Variants in RCOR3 observed in about 807,000 individuals in gnomAD.
The protein encoded by RCOR3 is REST corepressor 3.
A neutral mutation model predicts 64.1 loss-of-function variants in RCOR3; 13 were observed. The observed-to-expected ratio is 0.20, with a 90% CI of 0.13 to 0.32. The LOEUF is 0.32. Ranked by LOEUF, RCOR3 falls within the 10% of genes least tolerant of loss-of-function variation. The pLI, the probability that RCOR3 is intolerant of heterozygous loss-of-function variation, is 1.00. For missense variants in RCOR3, 489 were observed against 701.2 expected (o/e 0.70, Z 3.42); for synonymous variants, 215 against 239.0 (o/e 0.90, Z 0.93).
intron 8 of RCOR3, among the ~76,000 whole-genome samples, chr1:211,293,820 A>G (rs911237700): frequency 2.0e-5 from 3 of 152,246 alleles, no homozygotes; most frequent in Non-Finnish European, 4.4e-5. Flanking sequence ...AAAATAGTTC[A>G]TAAATTATAA....
rs754892527 is a variant in RCOR3, at chr1:211,313,714, A to G, written c.1608A>G (p.Gln536=). 2 of 1,614,240 alleles carry G rather than the reference A, an allele frequency of 1.2e-6. No homozygotes were observed. The highest frequency in any genetic ancestry group is 2.2e-5 in the South Asian group (2 of 91,086). The part of the protein sequence containing the change: ...PRPVLSTVGG[Q]QPPSLIGIQT... The stretch of plus-strand genomic sequence containing the variant: ...CGGTGTTGTCCACGGTTGGTGGTCA[A>G]CAGCCACCATCACTTATTGGAATTC... The change falls in exon 12 of 12, where the codon CAA becomes CAG. Residue 536 remains glutamine (Q), a synonymous_variant. Transcript: ENST00000419091. The surrounding 1 kb of genome is among the most constrained non-coding windows in gnomAD (Gnocchi z 4.7).
At chr1:211,273,848 A>G (rs1318206822) in intron 3 of RCOR3, among the ~76,000 whole-genome samples, 1 of 152,194 alleles carries the variant, frequency 6.6e-6, no homozygotes, top group Admixed American at 6.5e-5. Flanking sequence ...TTAAACAGCT[A>G]AGTCTCCAAA....
rs533132888 is a variant in RCOR3, at chr1:211,308,688, T to G, written c.1076-4032T>G. Among the ~76,000 whole-genome samples the G allele has an allele frequency of 1.9e-4, 12 of 63,054 alleles. No homozygotes were observed. The East Asian group carries it at 2.9e-3, about 15-fold the overall frequency. The allele number at this position is 63,054 out of a possible 152,430, so 41.4% of individuals were successfully genotyped here. On this transcript the variant is annotated intron_variant, in intron 10 of 11. Transcript: ENST00000419091. ...TTTTTTTTTTGTTTTTTTTTTGTTTTTTTTTTTTTTTGTGTAGTCCAAAAT... is the reference window on the plus strand; with the variant it reads ...TTTTTTTTTTGTTTTTTTTTTGTTTGTTTTTTTTTTTGTGTAGTCCAAAAT...
chr1:211,285,962 A>G (rs1230681615), intron 7 of RCOR3, among the ~76,000 whole-genome samples: 1 of 152,022 alleles, frequency 6.6e-6, no homozygotes, highest in Non-Finnish European at 1.5e-5. Flanking sequence ...AGATTATTTT[A>G]TCTGTTATGT....
intron 2 of RCOR3, among the ~76,000 whole-genome samples, chr1:211,262,480 G>GT (rs957295479): frequency 5.9e-5 from 9 of 151,676 alleles, no homozygotes; most frequent in Non-Finnish European, 1.0e-4. Context: ...AGTCTGTGTG[G>GT]TTTTTTTTGG....
Position 211,271,225 on chromosome 1 carries a change from C to T in RCOR3, c.224-7C>T. On this transcript the variant is annotated splice_region_variant and splice_polypyrimidine_tract_variant and intron_variant, in intron 2 of 11. Transcript: ENST00000419091. Reference sequence around the variant, plus strand: ...TCATATTCAAAGTAATTATCTTTTTCCCCCAGGTGCTACAAAGTACACAGA... The same window carrying T: ...TCATATTCAAAGTAATTATCTTTTTTCCCCAGGTGCTACAAAGTACACAGA... 6.2e-7 allele frequency: 1 copy of T among 1,607,666 alleles called. No homozygotes were observed. The highest frequency in any genetic ancestry group is 8.5e-7 in the Non-Finnish European group (1 of 1,175,330).
intron 3 of RCOR3, among the ~76,000 whole-genome samples, chr1:211,273,196 A>G (rs973122956): frequency 1.3e-5 from 2 of 152,220 alleles, no homozygotes; most frequent in African/African-American, 4.8e-5. Context: ...AATCACAGCA[A>G]ATACTTAAAA....
intron 2 of RCOR3, among the ~76,000 whole-genome samples, chr1:211,264,520 A>G (rs1374172643): frequency 2.0e-5 from 3 of 151,876 alleles, no homozygotes; most frequent in South Asian, 2.1e-4. Flanking sequence ...TGTCTCCACA[A>G]AAAATTCAAA....
chr1:211,308,955 G>A (rs1397686813), intron 10 of RCOR3, among the ~76,000 whole-genome samples: 2 of 151,718 alleles, frequency 1.3e-5, no homozygotes, highest in East Asian at 3.9e-4. Context: ...CAAGTGGTCT[G>A]TCTGCCTTGG....
In RCOR3 at chr1:211,259,693, C is replaced by A. The variant is rs979303097; in HGVS notation, c.133C>A (p.Pro45Thr). ...CAACGGCGGGCTGCACTACTCAGAGCCCGAGAGCGGCTGCAGCAGCGACGA... is the reference window on the plus strand; with the variant it reads ...CAACGGCGGGCTGCACTACTCAGAGACCGAGAGCGGCTGCAGCAGCGACGA... ...STNGGLHYSE[P>T]ESGCSSDDEH... The change falls in exon 1 of 12, where the codon CCC becomes ACC. Residue 45 changes from proline (P) to threonine (T), a missense_variant. Pro to Thr is a conservative substitution (Grantham distance 38). Transcript: ENST00000419091. 2 of 1,534,474 alleles carry A rather than the reference C, an allele frequency of 1.3e-6. No homozygotes were observed. The highest frequency in any genetic ancestry group is 2.8e-5 in the African/African-American group (2 of 71,548).
At position 211,281,227 on chromosome 1, in the gene RCOR3, G is replaced by A. The variant is rs928427877; in HGVS notation, c.720+1911G>A. On this transcript the variant is annotated intron_variant, in intron 7 of 11. Transcript: ENST00000419091. ...TCCTGAAAAGCTGTCTTTGACTTTC[G>A]TAATGCCATTCTGATTCCCATCTAC... 6.6e-5 allele frequency among the ~76,000 whole-genome samples: 10 copies of A among 152,132 alleles called. No homozygotes were observed. The East Asian group carries it at 9.7e-4, about 15-fold the overall frequency.
At chr1:211,279,208 T>C in intron 6 of RCOR3, 30 bp from the exon 7 acceptor site, 1 of 1,420,964 alleles carries the variant, frequency 7.0e-7, no homozygotes, top group Non-Finnish European at 9.7e-7. Flanking sequence ...AAAAAGGGAA[T>C]TAAGTGTACT....
rs774233812 is a variant in RCOR3 at position 211,276,420 on chromosome 1, T to C, written c.516+2T>C. 1 of 1,611,616 alleles carries C rather than the reference T, an allele frequency of 6.2e-7. No individual in the cohort carries two copies. The highest frequency in any genetic ancestry group is 1.1e-5 in the South Asian group (1 of 90,688). On this transcript the variant is annotated splice_donor_variant, in intron 5 of 11. Transcript: ENST00000419091. LOFTEE classifies it high-confidence loss of function. ...AGCTTTCACAGGATTCAGCAAATGGTATGGTAATTTTAATCTTACTGTGGT... is the reference window on the plus strand; with the variant it reads ...AGCTTTCACAGGATTCAGCAAATGGCATGGTAATTTTAATCTTACTGTGGT...
chr1:211,261,511 T>C (rs974907308), intron 2 of RCOR3, among the ~76,000 whole-genome samples: 1 of 152,258 alleles, frequency 6.6e-6, no homozygotes. Flanking sequence ...TAATTTTAAA[T>C]GTTTTATGAA....
intron 7 of RCOR3, among the ~76,000 whole-genome samples, chr1:211,279,824 C>A (rs1233877203): frequency 3.9e-5 from 6 of 152,212 alleles, no homozygotes; most frequent in Non-Finnish European, 8.8e-5. Flanking sequence ...TTTCCCCATT[C>A]CTTTAACTCC....
intron 9 of RCOR3, among the ~76,000 whole-genome samples, chr1:211,299,935 T>C (rs1007178767): frequency 6.6e-6 from 1 of 152,130 alleles, no homozygotes; most frequent in African/African-American, 2.4e-5. Flanking sequence ...CAATAACTTA[T>C]GTGAGTCCTG....
intron 4 of RCOR3, 64 bp downstream of exon 4, chr1:211,274,326 A>C: frequency 7.1e-4 from 824 of 1,156,650 alleles, no homozygotes; most frequent in Non-Finnish European, 9.6e-4. Context: ...AGATTATCTC[A>C]TGATAGTTTC....
chr1:211,268,844 A>G (rs7538812), intron 2 of RCOR3, among the ~76,000 whole-genome samples: 61,471 of 151,904 alleles, frequency 0.4, 14,074 homozygotes, highest in African/African-American at 0.63. Flanking sequence ...TTTTCTTCTT[A>G]ATTTTCCTTA....
intron 7 of RCOR3, among the ~76,000 whole-genome samples, chr1:211,280,480 A>G (rs139878129): frequency 0.012 from 1,840 of 152,324 alleles, 14 homozygotes; most frequent in Middle Eastern, 0.071. Flanking sequence ...ATGTTGATTC[A>G]ATAAATCATT....
Sources: gnomAD v4.1 joint callset for allele counts (sites outside exome capture counted in the v4.1 genomes callset) on GRCh38, gnomAD v4.1.1 for gene constraint, Gnocchi (gnomAD v3.1) non-coding constraint, MANE v1.5 for transcripts, NCBI Gene and HGNC (gene_info 2026-07-23, HGNC 2026-07-21) for gene names.